ZNF486: variants seen among roughly 807,000 people sequenced by gnomAD.
The protein encoded by ZNF486 is KRAB box only protein 2.
Under a neutral mutation model 12.8 loss-of-function variants are expected in ZNF486, and 12 were observed. The observed-to-expected ratio is 0.94, with a 90% CI of 0.60 to 1.52. The LOEUF (loss-of-function observed/expected upper bound fraction) is 1.52. Among genes scored for constraint, ZNF486 ranks in the 40% most tolerant of loss-of-function variants. The probability of loss-of-function intolerance (pLI) is 0.00; values close to 1 mark genes in which losing one functional copy is unlikely to be tolerated. For synonymous variants in ZNF486, 231 were observed against 184.9 expected, an observed-to-expected ratio of 1.25 and a Z score of -2.02; for missense variants, 738 against 545.0, an observed-to-expected ratio of 1.35 and a Z score of -3.53.
In ZNF486 at chr19:20,167,236, C is replaced by T. The variant is rs1555713102; in HGVS notation, c.-95C>T. 6 of 1,497,680 alleles carry T rather than the reference C, an allele frequency of 4.0e-6. No homozygotes were observed. Among genetic ancestry groups the T allele is most frequent in the Non-Finnish European group, 5.6e-6 (6 of 1,074,994 alleles). 92.8% of individuals were successfully genotyped at this position (1,497,680 alleles called of 1,614,324 possible). On this transcript the variant is annotated 5_prime_UTR_variant, in exon 1 of 4. Coordinates refer to ENST00000335117, the MANE Select transcript of ZNF486 (RefSeq NM_052852.4). ...TTTGTCTCTCGCTGCATCTGGAGCT[C>T]TAGGTCGCCTCTTCGCTACTCTGTG...
chr19:20,176,031 G>A (rs1555714699), intron 1 of ZNF486: 1 of 170,844 alleles, frequency 5.9e-6, no homozygotes, highest in Admixed American at 6.4e-5. Flanking sequence ...CTCCCGGACG[G>A]GGTGGCTGCC....
intron 1 of ZNF486, among the ~76,000 whole-genome samples, chr19:20,184,147 G>C (rs1219808798): frequency 6.6e-6 from 1 of 152,018 alleles, no homozygotes; most frequent in Non-Finnish European, 1.5e-5. Flanking sequence ...ATCATTATAT[G>C]AACTAATGTT....
chr19:20,187,415 G>A (rs2089860048), intron 3 of ZNF486, among the ~76,000 whole-genome samples: 2 of 150,830 alleles, frequency 1.3e-5, no homozygotes, highest in African/African-American at 4.9e-5. Context: ...TGCTTCCAGT[G>A]CTACATTAAA....
In ZNF486 at chr19:20,180,889, G is replaced by C. The variant is rs74181178; in HGVS notation, c.31-3467G>C. ...TTGATTTTCTAATAAAATTACCCTAGAAAACCTTAAGGGATTTGTTTAAAT... is the reference window on the plus strand; with the variant it reads ...TTGATTTTCTAATAAAATTACCCTACAAAACCTTAAGGGATTTGTTTAAAT... On this transcript the variant is annotated intron_variant, in intron 1 of 3. Coordinates refer to ENST00000335117, the MANE Select transcript of ZNF486 (RefSeq NM_052852.4). Among the ~76,000 whole-genome samples, 172 of 152,206 alleles carry C rather than the reference G, an allele frequency of 1.1e-3. 1 individual carries two copies. The highest frequency in any genetic ancestry group is 1.8e-3 in the Non-Finnish European group (123 of 68,014).
In ZNF486 at chr19:20,197,819, T is replaced by C. The variant is rs199843595; in HGVS notation, c.1109T>C (p.Ile370Thr). ...TRSSHLTMHK[I>T]IHTGEKPYKC... ...TCCTCACACCTTACTATGCATAAGA[T>C]AATTCATACTGGAGAGAAACCATAC... The change falls in exon 4 of 4, where the codon ATA becomes ACA. Residue 370 changes from isoleucine (I) to threonine (T), a missense_variant. Physicochemically the swap from Ile to Thr is moderately conservative, Grantham distance 89 (BLOSUM62 -1). Transcript: ENST00000335117. 54 of 1,612,088 alleles carry C rather than the reference T, an allele frequency of 3.3e-5. No homozygotes were observed. Among genetic ancestry groups the C allele is most frequent in the Admixed American group, 5.0e-5 (3 of 59,878 alleles).
intron 1 of ZNF486, among the ~76,000 whole-genome samples, chr19:20,182,820 T>C (rs1555715778): frequency 6.6e-6 from 1 of 152,134 alleles, no homozygotes; most frequent in East Asian, 1.9e-4. Context: ...GTGTTACTGA[T>C]ACCTTTAAAG....
At chr19:20,194,518 G>A (rs939458016) in intron 3 of ZNF486, among the ~76,000 whole-genome samples, 4 of 152,216 alleles carry the variant, frequency 2.6e-5, no homozygotes, top group Non-Finnish European at 5.9e-5. Flanking sequence ...CCTGAGGTCA[G>A]AAGTTTGAGA....
chr19:20,175,657 G>T (rs372629718), intron 1 of ZNF486, among the ~76,000 whole-genome samples: 341 of 152,154 alleles, frequency 2.2e-3, no homozygotes, highest in African/African-American at 3.3e-3. Context: ...GGTAAGGTCA[G>T]AGATCAACAG....
chr19:20,175,348 T>TTG (rs2089694660), intron 1 of ZNF486: 1 of 147,376 alleles, frequency 6.8e-6, no homozygotes, highest in African/African-American at 2.5e-5. Flanking sequence ...TTTTTTTTTT[T>TTG]TTATTGATCA....
intron 3 of ZNF486, among the ~76,000 whole-genome samples, chr19:20,187,739 G>T (rs531894776): frequency 6.6e-6 from 1 of 152,096 alleles, no homozygotes; most frequent in South Asian, 2.1e-4. Context: ...TCCTGACCTC[G>T]TGATCCATCC....
chr19:20,171,189 A>G (rs1599693327), intron 1 of ZNF486, among the ~76,000 whole-genome samples: 2 of 152,292 alleles, frequency 1.3e-5, no homozygotes, highest in East Asian at 3.9e-4. Flanking sequence ...GCCTGGAACA[A>G]AACTCTGGGT....
chr19:20,197,688 A>T lies in ZNF486; in HGVS notation c.978A>T (p.Lys326Asn), dbSNP rs1555718276. 1.9e-6 allele frequency: 3 copies of T among 1,613,840 alleles called. No homozygotes were observed. Among genetic ancestry groups the T allele is most frequent in the South Asian group, 1.1e-5 (1 of 91,068 alleles). Residue 326 changes from lysine to asparagine, a missense_variant, in exon 4 of 4, where the codon AAA becomes AAT. By Grantham distance (94) the Lys-to-Asn change is moderately conservative. Coordinates refer to ENST00000335117, the MANE Select transcript of ZNF486 (RefSeq NM_052852.4). ...GAGAGAAACCGTACACGTGTGATAA[A>T]TGTGGCAAAGCCTTTATTTCATCCT... Reference protein sequence around the residue: ...HTGEKPYTCDKCGKAFISSSI... With the variant: ...HTGEKPYTCDNCGKAFISSSI...
intron 2 of ZNF486, among the ~76,000 whole-genome samples, chr19:20,185,024 T>G (rs1440094857): frequency 2.0e-5 from 3 of 152,130 alleles, no homozygotes; most frequent in Admixed American, 6.6e-5. Flanking sequence ...GGCAGGAGAT[T>G]CCCTTGAACA....
intron 3 of ZNF486, among the ~76,000 whole-genome samples, chr19:20,195,275 TCTC>T (rs1483315728): frequency 6.6e-6 from 1 of 152,220 alleles, no homozygotes; most frequent in Non-Finnish European, 1.5e-5. Context: ...TTCAAGCAAT[TCTC>T]CTGTGTCAGC....
chr19:20,180,207 A>G (rs2089769256), intron 1 of ZNF486, among the ~76,000 whole-genome samples: 2 of 152,206 alleles, frequency 1.3e-5, no homozygotes, highest in Admixed American at 1.3e-4. Flanking sequence ...GTGTAAGAGA[A>G]ATGAGTCATC....
rs547720484 is a variant in ZNF486, at chr19:20,199,891, T to C, written c.*1789T>C. 19 of 151,638 alleles carry C rather than the reference T, an allele frequency of 1.3e-4. No individual in the cohort carries two copies. The highest frequency in any genetic ancestry group is 4.6e-4 in the African/African-American group (19 of 41,384). 9.4% of individuals were successfully genotyped at this position (151,638 alleles called of 1,614,324 possible). ...GAGTTCAAGACCATCTTGGCCAAGA[T>C]GGTGAAACCCTGTCTGTACTAAAAA... On this transcript the variant is annotated 3_prime_UTR_variant, in exon 4 of 4. Coordinates refer to ENST00000335117, the MANE Select transcript of ZNF486 (RefSeq NM_052852.4).
At chr19:20,183,192 G>A (rs1221676109) in intron 1 of ZNF486, among the ~76,000 whole-genome samples, 1 of 152,154 alleles carries the variant, frequency 6.6e-6, no homozygotes, top group Non-Finnish European at 1.5e-5. Flanking sequence ...TATTAAAAAT[G>A]TTCCCTTTGT....
At chr19:20,188,304 T>A (rs2089869920) in intron 3 of ZNF486, 1 of 396,034 alleles carries the variant, frequency 2.5e-6, no homozygotes, top group Non-Finnish European at 4.4e-6. Flanking sequence ...AAAAGATTTA[T>A]AATTCTGGAT....
At chr19:20,192,769 T>C (rs2089914912) in intron 3 of ZNF486, among the ~76,000 whole-genome samples, 1 of 152,210 alleles carries the variant, frequency 6.6e-6, no homozygotes, top group Admixed American at 6.5e-5. Flanking sequence ...TTTTGTATTT[T>C]TTGTAGAGAC....
Sources: gnomAD v4.1 joint callset for allele counts (sites outside exome capture counted in the v4.1 genomes callset) on GRCh38, gnomAD v4.1.1 for gene constraint, MANE v1.5 for transcripts, NCBI Gene and HGNC (gene_info 2026-07-23, HGNC 2026-07-21) for gene names.